Variants in ARHGEF28 observed in about 807,000 individuals in gnomAD.
ARHGEF28 encodes the protein Rho guanine nucleotide exchange factor 28, also known as 190 kDa guanine nucleotide exchange factor.
Under a neutral mutation model 206.6 loss-of-function variants are expected in ARHGEF28, and 152 were observed. The ratio of observed to expected loss-of-function variants is 0.74; its 90% CI spans 0.64 to 0.84. The LOEUF (loss-of-function observed/expected upper bound fraction) is 0.84, where lower values mean the gene tolerates loss of function less well. Ranked by LOEUF, ARHGEF28 falls within the 40% of genes least tolerant of loss-of-function variation. ARHGEF28 has a pLI of 0.00. For missense variants in ARHGEF28, 2,028 were observed against 2,073.2 expected (o/e 0.98, Z 0.42); for synonymous variants, 763 against 776.4 (o/e 0.98, Z 0.29).
At chr5:73,711,305 A>T (rs1249027248) in intron 2 of ARHGEF28, among the ~76,000 whole-genome samples, 3 of 152,108 alleles carry the variant, frequency 2.0e-5, no homozygotes, top group Non-Finnish European at 4.4e-5. Flanking sequence ...TATTTGGACT[A>T]TTCCTATTTT....
intron 9 of ARHGEF28, among the ~76,000 whole-genome samples, chr5:73,797,178 T>A (rs2112490774): frequency 6.6e-6 from 1 of 152,322 alleles, no homozygotes; most frequent in Non-Finnish European, 1.5e-5. Flanking sequence ...AGGACCATGA[T>A]GAGTGTTTGT....
intron 10 of ARHGEF28, among the ~76,000 whole-genome samples, chr5:73,840,259 G>A (rs1014758536): frequency 7.2e-5 from 11 of 152,016 alleles, no homozygotes; most frequent in African/African-American, 2.2e-4. Context: ...GATTACAGGC[G>A]CCCGCCACCA....
At chr5:73,848,813 T>G (rs1758527303) in intron 12 of ARHGEF28, among the ~76,000 whole-genome samples, 163 bp from the exon 13 acceptor site, 2 of 152,144 alleles carry the variant, frequency 1.3e-5, no homozygotes, top group African/African-American at 4.8e-5. Flanking sequence ...AATAACATTT[T>G]AAAAATTGTG....
intron 11 of ARHGEF28, among the ~76,000 whole-genome samples, chr5:73,844,869 G>A (rs1011312453): frequency 5.3e-5 from 8 of 151,024 alleles, no homozygotes; most frequent in Admixed American, 2.6e-4. Flanking sequence ...CGTTTAAAAC[G>A]TAATGTTATG....
chr5:73,898,193 G>A (rs752707611), intron 30 of ARHGEF28, 100 bp downstream of exon 30: 5 of 1,383,822 alleles, frequency 3.6e-6, no homozygotes, highest in Non-Finnish European at 4.8e-6. Flanking sequence ...TGGTTGAAGG[G>A]GACTTGATAT....
intron 35 of ARHGEF28, among the ~76,000 whole-genome samples, chr5:73,930,318 T>G (rs1038826424): frequency 1.3e-5 from 2 of 152,252 alleles, no homozygotes; most frequent in Admixed American, 1.3e-4. Flanking sequence ...TGGTAACTTG[T>G]TCTTTCATAC....
Position 73,909,348 on chromosome 5 carries a change from G to T in ARHGEF28, c.4162-64G>T, listed in dbSNP as rs928710964. 9 of 1,515,786 alleles carry T rather than the reference G, an allele frequency of 5.9e-6. No homozygotes were observed. The African/African-American group carries it at 8.3e-5, about 14-fold the overall frequency. The allele number at this position is 1,515,786 out of a possible 1,614,324, so 93.9% of individuals were successfully genotyped here. ...TTTGTGTTTCGAGGTAGTTCCAACC[G>T]AAAGGGTAAACAATAACCATGGAAC... is the stretch of plus-strand genomic sequence containing the variant. On this transcript the variant is annotated intron_variant, in intron 33 of 35. Coordinates refer to ENST00000513042, the MANE Select transcript of ARHGEF28 (RefSeq NM_001177693.2).
chr5:73,884,584 G>A (rs1277765376), intron 24 of ARHGEF28, among the ~76,000 whole-genome samples: 1 of 152,186 alleles, frequency 6.6e-6, no homozygotes, highest in African/African-American at 2.4e-5. Context: ...GTGGTAGTGT[G>A]TTATGTTAAA....
chr5:73,894,501 C>A lies in ARHGEF28; in HGVS notation c.3767C>A (p.Pro1256His). The change falls in exon 29 of 36, where the codon CCC becomes CAC. Residue 1256 changes from proline (P) to histidine (H), a missense_variant. This residue lies in a region of ARHGEF28 where 803 missense variants were observed against 768.0 expected (regional missense o/e 1.05). Coordinates refer to ENST00000513042, the MANE Select transcript of ARHGEF28 (RefSeq NM_001177693.2). Reference sequence around the variant, plus strand: ...GGATTTGAGGACGTCCATCTAGAGCCCCACCTCCTTATTAAACCTGACCCA... The same window carrying A: ...GGATTTGAGGACGTCCATCTAGAGCACCACCTCCTTATTAAACCTGACCCA... ...LSGFEDVHLE[P>H]HLLIKPDPGE... is the part of the protein sequence containing the mutation. 6.2e-7 allele frequency: 1 copy of A among 1,613,926 alleles called. No homozygotes were observed. The highest frequency in any genetic ancestry group is 1.1e-5 in the South Asian group (1 of 91,070).
intron 10 of ARHGEF28, among the ~76,000 whole-genome samples, chr5:73,836,303 CTTTT>C (rs58880911): frequency 7.9e-6 from 1 of 126,314 alleles, no homozygotes; most frequent in East Asian, 2.3e-4. Flanking sequence ...TCCTTGTCAG[CTTTT>C]TTTTTTTTTT....
rs531141461 is a variant in ARHGEF28 at position 73,939,150 on chromosome 5, A to G, written c.4949-1694A>G. Among the ~76,000 whole-genome samples the G allele has an allele frequency of 8.5e-5, 13 of 152,262 alleles. No homozygotes were observed. In the South Asian group the frequency reaches 2.7e-3, roughly 32 times the overall value. On this transcript the variant is annotated intron_variant, in intron 35 of 35. Coordinates refer to ENST00000513042, the MANE Select transcript of ARHGEF28 (RefSeq NM_001177693.2). ...GCTGCCATCCTCTGAGCGTAGATCC[A>G]GATCACTTCCTAGCTGCATGATGTG...
intron 4 of ARHGEF28, among the ~76,000 whole-genome samples, chr5:73,772,101 C>CTATAGA (rs1256468537): frequency 1.3e-5 from 2 of 152,020 alleles, no homozygotes; most frequent in African/African-American, 4.8e-5. Flanking sequence ...ATCTATATCT[C>CTATAGA]TATAGATATA....
chr5:73,904,704 G>A (rs1762454686), intron 33 of ARHGEF28: 1 of 342,820 alleles, frequency 2.9e-6, no homozygotes, highest in East Asian at 4.9e-5. Flanking sequence ...AGTGTAGCAT[G>A]ACTTCACATT....
intron 22 of ARHGEF28, among the ~76,000 whole-genome samples, chr5:73,876,091 T>G (rs954177320): frequency 1.3e-5 from 2 of 149,452 alleles, no homozygotes; most frequent in African/African-American, 2.5e-5. Context: ...CCTCTTTTAT[T>G]TCATTGAGCA....
intron 9 of ARHGEF28, among the ~76,000 whole-genome samples, chr5:73,802,921 T>TGTGTGTGTGTGTG (rs1755230380): frequency 1.7e-5 from 2 of 121,078 alleles, no homozygotes; most frequent in South Asian, 2.6e-4. Context: ...TGTGTGTGTG[T>TGTGTGTGTGTGTG]TGGTAGGCTT....
At chr5:73,903,066 C>T (rs1762361428) in intron 31 of ARHGEF28, 2 of 152,260 alleles carry the variant, frequency 1.3e-5, no homozygotes, top group Non-Finnish European at 2.9e-5. Context: ...TGTCTTTTCT[C>T]TATCAGAGGG....
At chr5:73,810,925 C>T (rs1561420703) in intron 9 of ARHGEF28, among the ~76,000 whole-genome samples, 1 of 152,130 alleles carries the variant, frequency 6.6e-6, no homozygotes, top group Admixed American at 6.6e-5. Flanking sequence ...TTCTCTTTCC[C>T]ATAGCATCAG....
rs768647855 is a variant in ARHGEF28, at chr5:73,911,472, C to T, written c.4845C>T (p.Asp1615=). ...AACATCAAGTAGACCTCAAGGTGGA[C>T]CCTTCTCAGCCTTCGAATGTCAGTC... The part of the protein sequence containing the change: ...TSEHQVDLKV[D]PSQPSNVSHK... Residue 1615 remains aspartate, a synonymous_variant, in exon 35 of 36, where the codon GAC becomes GAT. Transcript: ENST00000513042. The T allele has an allele frequency of 1.2e-5, 20 of 1,613,854 alleles. No homozygotes were observed. The African/African-American group carries it at 1.7e-4, about 14-fold the overall frequency.
At chr5:73,875,840 C>T (rs961375701) in intron 22 of ARHGEF28, among the ~76,000 whole-genome samples, 13 of 151,950 alleles carry the variant, frequency 8.6e-5, no homozygotes, top group African/African-American at 2.9e-4. Flanking sequence ...GTATAGTTTG[C>T]AGTCAGGTAG....
Sources: gnomAD v4.1 joint callset for allele counts (sites outside exome capture counted in the v4.1 genomes callset) on GRCh38, gnomAD v4.1.1 for gene constraint, gnomAD v4.1.1 regional missense constraint, MANE v1.5 for transcripts, NCBI Gene and HGNC (gene_info 2026-07-23, HGNC 2026-07-21) for gene names.